NDUFAF5: variants seen among roughly 807,000 people sequenced by gnomAD.
NDUFAF5 encodes the protein NADH:ubiquinone oxidoreductase complex assembly factor 5, also known as arginine-hydroxylase NDUFAF5, mitochondrial.
NDUFAF5 carries 34 observed loss-of-function variants against 48.9 expected under a neutral mutation model. The observed-to-expected ratio is 0.70, with a 90% CI of 0.53 to 0.93. The LOEUF (loss-of-function observed/expected upper bound fraction) is 0.93, where lower values mean the gene tolerates loss of function less well. Ranked by LOEUF, NDUFAF5 falls within the 40% of genes least tolerant of loss-of-function variation. NDUFAF5 has a pLI of 0.00. For missense variants in NDUFAF5, 428 were observed against 427.5 expected (o/e 1.00, Z -0.01); for synonymous variants, 153 against 150.6 (o/e 1.02, Z -0.12).
Position 13,818,602 on chromosome 20 carries a change from C to T in NDUFAF5, c.*1392C>T, listed in dbSNP as rs149465690. The stretch of plus-strand genomic sequence containing the variant: ...CAAGGCTGCAGTGAGCTGTCTGTGC[C>T]ACGGCACTCCAACCTGGGCAAAAGA... On this transcript the variant is annotated 3_prime_UTR_variant, in exon 11 of 11. Coordinates refer to ENST00000378106, the MANE Select transcript of NDUFAF5 (RefSeq NM_024120.5). 0.013 allele frequency: 2,841 copies of T among 215,000 alleles called. 27 individuals carry two copies. Among genetic ancestry groups the T allele is most frequent in the Non-Finnish European group, 0.018 (1,903 of 106,230 alleles). 13.3% of individuals were successfully genotyped at this position (215,000 alleles called of 1,614,324 possible).
In NDUFAF5 at chr20:13,787,310, A is replaced by G; in HGVS notation, c.223-2A>G. On this transcript the variant is annotated splice_acceptor_variant, in intron 1 of 10. Coordinates refer to ENST00000378106, the MANE Select transcript of NDUFAF5 (RefSeq NM_024120.5). LOFTEE classifies it high-confidence loss of function. ...TAACCTACGCCTCGTGTAATCCTTC[A>G]GGTTGGAAGTCGGATCGCAGACCGT... 2 of 1,614,088 alleles carry G rather than the reference A, an allele frequency of 1.2e-6. No homozygotes were observed. Among genetic ancestry groups the G allele is most frequent in the Admixed American group, 1.7e-5 (1 of 60,020 alleles).
At position 13,817,763 on chromosome 20, in the gene NDUFAF5, A is replaced by G. The variant is rs1986653096; in HGVS notation, c.*553A>G. The G allele has an allele frequency of 2.2e-6, 1 of 454,120 alleles. No individual in the cohort carries two copies. The highest frequency in any genetic ancestry group is 6.9e-5 in the East Asian group (1 of 14,402). The allele number at this position is 454,120 out of a possible 1,614,324, so 28.1% of individuals were successfully genotyped here. A position where few individuals can be genotyped will look rare whatever the true frequency, so the allele number is the denominator to read the frequency against. On this transcript the variant is annotated 3_prime_UTR_variant, in exon 11 of 11. Transcript: ENST00000378106. ...ACCTTAGGGAAGAAGAAAACATTTT[A>G]AAGAATACCAGAAGTAGAATCACAT... is the stretch of plus-strand genomic sequence containing the variant.
chr20:13,785,111 T>G lies in NDUFAF5; in HGVS notation c.43T>G (p.Trp15Gly). Reference protein sequence around the residue: ...AGLWRLCRRPWAARVPAENLG... With the variant: ...AGLWRLCRRPGAARVPAENLG... The stretch of plus-strand genomic sequence containing the variant: ...GCTCTGGCGCTTATGTCGGCGACCT[T>G]GGGCGGCGAGGGTCCCAGCGGAGAA... Residue 15 changes from tryptophan (W) to glycine (G), a missense_variant, in exon 1 of 11, where the codon TGG becomes GGG. Physicochemically the swap from Trp to Gly is radical, Grantham distance 184 (BLOSUM62 -2). Coordinates refer to ENST00000378106, the MANE Select transcript of NDUFAF5 (RefSeq NM_024120.5). 1 of 1,613,626 alleles carries G rather than the reference T, an allele frequency of 6.2e-7. No individual in the cohort carries two copies. Among genetic ancestry groups the G allele is most frequent in the African/African-American group, 1.3e-5 (1 of 75,056 alleles).
At chr20:13,798,268 G>T (rs1184194293) in intron 5 of NDUFAF5, among the ~76,000 whole-genome samples, 193 bp from the exon 6 acceptor site, 1 of 152,194 alleles carries the variant, frequency 6.6e-6, no homozygotes, top group Non-Finnish European at 1.5e-5. Context: ...ATTTTCTGGT[G>T]TGACACAAGG....
At chr20:13,795,504 G>A (rs1983060628) in intron 5 of NDUFAF5, among the ~76,000 whole-genome samples, 1 of 152,050 alleles carries the variant, frequency 6.6e-6, no homozygotes, top group African/African-American at 2.4e-5. Flanking sequence ...CTCAAACTAG[G>A]ACAGCTAGTT....
At chr20:13,802,426 T>C (rs546191904) in intron 7 of NDUFAF5, among the ~76,000 whole-genome samples, 6 of 152,152 alleles carry the variant, frequency 3.9e-5, no homozygotes, top group Non-Finnish European at 7.3e-5. Context: ...CCCAGCACTT[T>C]GGGAGGCCGA....
At chr20:13,803,129 T>G (rs1466931811) in intron 7 of NDUFAF5, 1 of 152,214 alleles carries the variant, frequency 6.6e-6, no homozygotes, top group African/African-American at 2.4e-5. Context: ...GATTGTGTCA[T>G]ATCCTTCCTT....
chr20:13,785,296 C>T lies in NDUFAF5; in HGVS notation c.222+6C>T. The T allele has an allele frequency of 2.0e-6, 3 of 1,484,866 alleles. No individual in the cohort carries two copies. Among genetic ancestry groups the T allele is most frequent in the Non-Finnish European group, 2.8e-6 (3 of 1,072,822 alleles). The allele number at this position is 1,484,866 out of a possible 1,614,324, so 92.0% of individuals were successfully genotyped here. On this transcript the variant is annotated splice_donor_region_variant and intron_variant, in intron 1 of 10. Coordinates refer to ENST00000378106, the MANE Select transcript of NDUFAF5 (RefSeq NM_024120.5). ...TTGACTACCTGAAGGAGGAGGTGAGCCCGCGGGGCGGCGGGGCGGCGGGGC... is the reference window on the plus strand; with the variant it reads ...TTGACTACCTGAAGGAGGAGGTGAGTCCGCGGGGCGGCGGGGCGGCGGGGC...
At chr20:13,789,031 T>A (rs966658937) in intron 3 of NDUFAF5, among the ~76,000 whole-genome samples, 2 of 152,260 alleles carry the variant, frequency 1.3e-5, no homozygotes, top group African/African-American at 4.8e-5. Context: ...TCTTTCTGTA[T>A]CATTAAATAT....
In NDUFAF5 at chr20:13,816,635, T is replaced by C. The variant is rs530172277; in HGVS notation, c.862+89T>C. Reference sequence around the variant, plus strand: ...CTTCACGTTGCCAATGCATTTTCCATTCCTGTTAAGGCTCCCTCAGACTTC... The same window carrying C: ...CTTCACGTTGCCAATGCATTTTCCACTCCTGTTAAGGCTCCCTCAGACTTC... On this transcript the variant is annotated intron_variant, in intron 9 of 10. Transcript: ENST00000378106. The C allele has an allele frequency of 4.6e-6, 5 of 1,085,544 alleles. No homozygotes were observed. In the African/African-American group the frequency reaches 6.2e-5, roughly 13 times the overall value. 67.2% of individuals were successfully genotyped at this position (1,085,544 alleles called of 1,614,324 possible).
In NDUFAF5 at chr20:13,816,514, A is replaced by G; in HGVS notation, c.830A>G (p.Asp277Gly). ...AATAGAAAAGCCCTGCTGCATCGAG[A>G]CACAATGCTGGCAGCTGCGGCAGTG... Reference protein sequence around the residue: ...AWNRKALLHRDTMLAAAAVYR... With the variant: ...AWNRKALLHRGTMLAAAAVYR... The change falls in exon 9 of 11, where the codon GAC becomes GGC. Residue 277 changes from aspartate (D) to glycine (G), a missense_variant. By Grantham distance (94) the Asp-to-Gly change is moderately conservative (BLOSUM62 -1). Transcript: ENST00000378106. The G allele has an allele frequency of 6.2e-7, 1 of 1,614,102 alleles. No individual in the cohort carries two copies. Among genetic ancestry groups the G allele is most frequent in the Middle Eastern group, 1.7e-4 (1 of 6,058 alleles).
Position 13,809,726 on chromosome 20 carries a change from C to G in NDUFAF5, c.778+824C>G, listed in dbSNP as rs1420007660. ...AGTAGATTGGCAGATAAACTAGTCA[C>G]GAGATTAATTTCAGTATAGCTTGCT... is the stretch of plus-strand genomic sequence containing the variant. On this transcript the variant is annotated intron_variant, in intron 8 of 10. Transcript: ENST00000378106. Among the ~76,000 whole-genome samples, 3 of 152,204 alleles carry G rather than the reference C, an allele frequency of 2.0e-5. No individual in the cohort carries two copies. The East Asian group carries it at 5.8e-4, about 29-fold the overall frequency.
chr20:13,790,337 CA>C (rs33965978), intron 3 of NDUFAF5, among the ~76,000 whole-genome samples: 148,369 of 152,278 alleles, frequency 0.97, 72,387 homozygotes, highest in East Asian at 1. Flanking sequence ...TTTAGTAACT[CA>C]ACGCCAAAAA....
In NDUFAF5 at chr20:13,818,144, C is replaced by T. The variant is rs918581649; in HGVS notation, c.*934C>T. ...AGTCTCTCTTCTGCCTTCCTTCCCT[C>T]CTTTACTGTATTAGCAACAAGCTGT... is the stretch of plus-strand genomic sequence containing the variant. On this transcript the variant is annotated 3_prime_UTR_variant, in exon 11 of 11. Coordinates refer to ENST00000378106, the MANE Select transcript of NDUFAF5 (RefSeq NM_024120.5). 1.8e-5 allele frequency: 8 copies of T among 454,014 alleles called. No homozygotes were observed. Among genetic ancestry groups the T allele is most frequent in the African/African-American group, 1.6e-4 (8 of 50,004 alleles). The allele number at this position is 454,014 out of a possible 1,614,324, so 28.1% of individuals were successfully genotyped here.
In NDUFAF5 at chr20:13,801,563, T is replaced by C. The variant is rs372913975; in HGVS notation, c.597T>C (p.Cys199=). Residue 199 remains cysteine, a synonymous_variant, in exon 7 of 11, where the codon TGT becomes TGC. Transcript: ENST00000378106. ...FGGDTLYELR[C]SLQLAETERE... is the part of the protein sequence containing the mutation. Reference sequence around the variant, plus strand: ...GCGACACACTCTATGAACTTCGGTGTTCCTTACAGTTAGCGGAAACGGAAA... The same window carrying C: ...GCGACACACTCTATGAACTTCGGTGCTCCTTACAGTTAGCGGAAACGGAAA... 1.4e-5 allele frequency: 22 copies of C among 1,614,078 alleles called. No individual in the cohort carries two copies. The African/African-American group carries it at 2.8e-4, about 21-fold the overall frequency.
intron 9 of NDUFAF5, 146 bp from the exon 10 acceptor site, chr20:13,816,727 TCA>T: frequency 2.7e-6 from 2 of 753,148 alleles, no homozygotes; most frequent in Non-Finnish European, 4.7e-6. Flanking sequence ...TTCCTTACCC[TCA>T]GTATTAAGAA....
chr20:13,812,185 T>C (rs1015429214), intron 8 of NDUFAF5, among the ~76,000 whole-genome samples: 18 of 152,214 alleles, frequency 1.2e-4, no homozygotes, highest in Non-Finnish European at 2.1e-4. Flanking sequence ...TCATTTGACC[T>C]ATCGTGCAGC....
chr20:13,818,390 G>T lies in NDUFAF5; in HGVS notation c.*1180G>T. On this transcript the variant is annotated 3_prime_UTR_variant, in exon 11 of 11. Coordinates refer to ENST00000378106, the MANE Select transcript of NDUFAF5 (RefSeq NM_024120.5). ...CTGGGATACGCTTGGTAGCTTTTTTGTTTTAACACAAAGTAAACCTGTGAA... is the reference window on the plus strand; with the variant it reads ...CTGGGATACGCTTGGTAGCTTTTTTTTTTTAACACAAAGTAAACCTGTGAA... 4.2e-5 allele frequency: 14 copies of T among 335,518 alleles called. No homozygotes were observed. The highest frequency in any genetic ancestry group is 5.9e-5 in the Non-Finnish European group (10 of 170,626). 20.8% of individuals were successfully genotyped at this position (335,518 alleles called of 1,614,324 possible). A position where few individuals can be genotyped will look rare whatever the true frequency, so the allele number is the denominator to read the frequency against.
In NDUFAF5 at chr20:13,817,201, A is replaced by G. The variant is rs146052819; in HGVS notation, c.1029A>G (p.Lys343=). Residue 343 remains lysine (K), a synonymous_variant, in exon 11 of 11, where the codon AAA becomes AAG. Coordinates refer to ENST00000378106, the MANE Select transcript of NDUFAF5 (RefSeq NM_024120.5). ...KINNLMPPGK[K]SQ ...ACAACCTTATGCCACCGGGGAAAAAATCACAATAAATATTTATTCAGTGTT... is the reference window on the plus strand; with the variant it reads ...ACAACCTTATGCCACCGGGGAAAAAGTCACAATAAATATTTATTCAGTGTT... 2.1e-4 allele frequency: 339 copies of G among 1,611,374 alleles called. 1 individual carries two copies. The African/African-American group carries it at 3.6e-3, about 17-fold the overall frequency.
Sources: allele counts gnomAD v4.1 joint callset (sites outside exome capture counted in the v4.1 genomes callset), GRCh38; gene constraint gnomAD v4.1.1; transcripts MANE v1.5; gene names NCBI Gene and HGNC (gene_info 2026-07-23, HGNC 2026-07-21).